KCNC2: variants seen among roughly 807,000 people sequenced by gnomAD.
KCNC2 encodes the protein voltage-gated potassium channel KCNC2.
In KCNC2, 21 loss-of-function variants were observed where a neutral mutation model predicts 44.5. The observed-to-expected ratio is 0.47, with a 90% CI of 0.33 to 0.68. The LOEUF (loss-of-function observed/expected upper bound fraction) is 0.68, where lower values mean the gene tolerates loss of function less well. KCNC2 is among the 30% of genes least tolerant of loss of function. The pLI is 0.01. For missense variants in KCNC2, 589 were observed against 826.2 expected (o/e 0.71, Z 3.52); for synonymous variants, 391 against 339.1 (o/e 1.15, Z -1.68).
chr12:75,183,289 A>G (rs1351967738), intron 2 of KCNC2, among the ~76,000 whole-genome samples: 1 of 152,206 alleles, frequency 6.6e-6, no homozygotes, highest in Non-Finnish European at 1.5e-5. Context: ...CCATGCAGAA[A>G]GCTCAAACCT....
At chr12:75,174,582 C>G (rs954310437) in intron 2 of KCNC2, among the ~76,000 whole-genome samples, 2 of 151,800 alleles carry the variant, frequency 1.3e-5, no homozygotes, top group Admixed American at 1.3e-4. Context: ...TGACATAGAG[C>G]ACATATTGTC....
At chr12:75,168,560 A>G (rs1452122917) in intron 2 of KCNC2, among the ~76,000 whole-genome samples, 1 of 151,620 alleles carries the variant, frequency 6.6e-6, no homozygotes, top group African/African-American at 2.4e-5. Flanking sequence ...AATATAATTA[A>G]GTAAGAATTA....
intron 2 of KCNC2, among the ~76,000 whole-genome samples, chr12:75,098,060 A>G (rs1446027225): frequency 2.0e-5 from 3 of 152,100 alleles, no homozygotes; most frequent in African/African-American, 7.2e-5. Context: ...TGACTGGCTC[A>G]TTTTCAAACA....
chr12:75,145,265 A>G (rs1198936582), intron 2 of KCNC2, among the ~76,000 whole-genome samples: 1 of 152,162 alleles, frequency 6.6e-6, no homozygotes, highest in Non-Finnish European at 1.5e-5. Flanking sequence ...AGGAGATTCA[A>G]GTGCTTCTTA....
chr12:75,177,186 A>G (rs924615318), intron 2 of KCNC2, among the ~76,000 whole-genome samples: 1 of 151,664 alleles, frequency 6.6e-6, no homozygotes, highest in African/African-American at 2.4e-5. Flanking sequence ...ATAAAGTGAA[A>G]CTTAATGGGA....
At chr12:75,146,065 T>G (rs953355533) in intron 2 of KCNC2, among the ~76,000 whole-genome samples, 1 of 151,574 alleles carries the variant, frequency 6.6e-6, no homozygotes, top group African/African-American at 2.4e-5. Flanking sequence ...CACCATTCTC[T>G]TGCCTCAGCC....
At chr12:75,113,672 T>A (rs540981258) in intron 2 of KCNC2, among the ~76,000 whole-genome samples, 1 of 152,250 alleles carries the variant, frequency 6.6e-6, no homozygotes, top group South Asian at 2.1e-4. Context: ...GGCTGCCCAC[T>A]ATAAGAAACT....
intron 2 of KCNC2, among the ~76,000 whole-genome samples, chr12:75,176,829 A>G (rs1017949919): frequency 3.9e-5 from 6 of 151,934 alleles, no homozygotes; most frequent in East Asian, 3.9e-4. Context: ...TGGGAATTTG[A>G]CCAACAAAAA....
At chr12:75,164,544 G>T (rs1891322995) in intron 2 of KCNC2, among the ~76,000 whole-genome samples, 2 of 151,564 alleles carry the variant, frequency 1.3e-5, no homozygotes, top group South Asian at 4.2e-4. Flanking sequence ...AATGCATTTG[G>T]GCACAAGTAT....
intron 2 of KCNC2, among the ~76,000 whole-genome samples, chr12:75,075,482 T>TATATATATAC (rs1285443264): frequency 3.9e-5 from 5 of 127,272 alleles, no homozygotes; most frequent in African/African-American, 1.3e-4. Context: ...TATATATATA[T>TATATATATAC]ACACATATAT....
Position 75,207,778 on chromosome 12 carries a change from G to A in KCNC2, c.206C>T (p.Pro69Leu), listed in dbSNP as rs753563125. Residue 69 changes from proline to leucine, a missense_variant, in exon 2 of 5, where the codon CCG (proline) becomes CTG (leucine). By Grantham distance (98) the Pro-to-Leu change is moderately conservative. This residue lies in a region of KCNC2 where 148 missense variants were observed against 140.1 expected (regional missense o/e 1.06). Transcript: ENST00000549446. This position sits in a 1 kb window ranked among gnomAD's most constrained non-coding sequence, Gnocchi z 4.1. ...PPLSPPPRAPPLSPGPGGCFE... is the reference protein window; with the variant it reads ...PPLSPPPRAPLLSPGPGGCFE... ...GCAGCCGCCTGGCCCGGGGGACAGCGGGGGCGCTCTCGGCGGCGGCGACAG... is the reference window on the plus strand; with the variant it reads ...GCAGCCGCCTGGCCCGGGGGACAGCAGGGGCGCTCTCGGCGGCGGCGACAG... 2 of 1,585,654 alleles carry A rather than the reference G, an allele frequency of 1.3e-6. No homozygotes were observed. The highest frequency in any genetic ancestry group is 8.6e-7 in the Non-Finnish European group (1 of 1,166,982).
At chr12:75,130,762 G>T (rs1314329175) in intron 2 of KCNC2, among the ~76,000 whole-genome samples, 1 of 149,110 alleles carries the variant, frequency 6.7e-6, no homozygotes, top group African/African-American at 2.5e-5. Context: ...TTCACATATT[G>T]TGAAAGGACT....
Position 75,181,916 on chromosome 12 carries a change from C to CTTTTTTTTTTTTTTTTT in KCNC2, c.687+25364_687+25380dup, listed in dbSNP as rs61089425. On this transcript the variant is annotated intron_variant, in intron 2 of 4. Transcript: ENST00000549446. ...AAACATTATTACTATTAATATCTTC[C>CTTTTTTTTTTTTTTTTT]TTTTTTTTTTTTTTTTTTTTTTTTT... 1.4e-3 allele frequency among the ~76,000 whole-genome samples: 67 copies of CTTTTTTTTTTTTTTTTT among 47,876 alleles called. 17 individuals carry two copies. Among genetic ancestry groups the CTTTTTTTTTTTTTTTTT allele is most frequent in the Admixed American group, 2.3e-3 (6 of 2,622 alleles). The allele number at this position is 47,876 out of a possible 152,430, so 31.4% of individuals were successfully genotyped here.
intron 2 of KCNC2, among the ~76,000 whole-genome samples, chr12:75,167,586 T>G (rs1320132926): frequency 6.6e-6 from 1 of 151,196 alleles, no homozygotes; most frequent in Non-Finnish European, 1.5e-5. Flanking sequence ...ATCCAAAAAT[T>G]AAGAATAAAT....
intron 2 of KCNC2, among the ~76,000 whole-genome samples, chr12:75,163,572 A>G (rs1891259047): frequency 6.6e-6 from 1 of 151,764 alleles, no homozygotes; most frequent in Non-Finnish European, 1.5e-5. Flanking sequence ...GTAGAATGCT[A>G]AATTTCAAAA....
At chr12:75,046,992 T>A (rs533930660) in intron 4 of KCNC2, among the ~76,000 whole-genome samples, 9 of 152,092 alleles carry the variant, frequency 5.9e-5, no homozygotes, top group African/African-American at 1.9e-4. Flanking sequence ...AACCTTAAAA[T>A]GGTAAATAAT....
intron 2 of KCNC2, among the ~76,000 whole-genome samples, chr12:75,133,185 A>T (rs1888976534): frequency 6.6e-6 from 1 of 152,032 alleles, no homozygotes; most frequent in South Asian, 2.1e-4. Context: ...TGGATTCAAG[A>T]TACAGTTAGA....
At chr12:75,049,652 T>C (rs1880956993) in intron 3 of KCNC2, among the ~76,000 whole-genome samples, 1 of 151,992 alleles carries the variant, frequency 6.6e-6, no homozygotes, top group African/African-American at 2.4e-5. Context: ...ACCCAACACA[T>C]TGTACCTAAA....
At chr12:75,151,600 G>C (rs1890396108) in intron 2 of KCNC2, among the ~76,000 whole-genome samples, 1 of 151,752 alleles carries the variant, frequency 6.6e-6, no homozygotes, top group Admixed American at 6.6e-5. Context: ...ATAGTGATTG[G>C]CATGTAAGTG....
Sources: gnomAD v4.1 joint callset for allele counts (sites outside exome capture counted in the v4.1 genomes callset) on GRCh38, gnomAD v4.1.1 for gene constraint, gnomAD v4.1.1 regional missense constraint, Gnocchi (gnomAD v3.1) non-coding constraint, MANE v1.5 for transcripts, NCBI Gene and HGNC (gene_info 2026-07-23, HGNC 2026-07-21) for gene names.